Variants in CCBE1 observed in about 807,000 individuals in gnomAD.
The protein encoded by CCBE1 is collagen and calcium-binding EGF domain-containing protein 1.
Under a neutral mutation model 50.0 loss-of-function variants are expected in CCBE1, and 37 were observed. That is an observed-to-expected ratio of 0.74 (90% CI 0.57 to 0.97). The LOEUF (loss-of-function observed/expected upper bound fraction) is 0.97. CCBE1 is among the 50% of genes least tolerant of loss of function. CCBE1 has a pLI of 0.00. For synonymous variants in CCBE1, 234 were observed against 203.7 expected (o/e 1.15, Z -1.27); for missense variants, 538 against 523.8 (o/e 1.03, Z -0.26).
intron 2 of CCBE1, among the ~76,000 whole-genome samples, chr18:59,634,249 A>C (rs1363450139): frequency 6.6e-6 from 1 of 152,258 alleles, no homozygotes. Context: ...AAGCTCTGCA[A>C]GGGGAAGCAG....
At chr18:59,515,427 T>C (rs1914327494) in intron 2 of CCBE1, among the ~76,000 whole-genome samples, 1 of 152,182 alleles carries the variant, frequency 6.6e-6, no homozygotes. Flanking sequence ...CTGCAATGTG[T>C]CCATAAATGG....
chr18:59,474,925 C>A (rs552832704), intron 3 of CCBE1, among the ~76,000 whole-genome samples: 69 of 152,294 alleles, frequency 4.5e-4, no homozygotes, highest in Admixed American at 3.3e-4. Flanking sequence ...TCTCTGTTCT[C>A]CAGCTTCCAA....
At chr18:59,672,067 A>G (rs544407796) in intron 2 of CCBE1, among the ~76,000 whole-genome samples, 3 of 152,178 alleles carry the variant, frequency 2.0e-5, no homozygotes, top group Admixed American at 1.3e-4. Flanking sequence ...CATAGGTACA[A>G]TCAGAGTAGA....
At chr18:59,562,563 T>A (rs1477752496) in intron 2 of CCBE1, among the ~76,000 whole-genome samples, 1 of 152,210 alleles carries the variant, frequency 6.6e-6, no homozygotes, top group African/African-American at 2.4e-5. Context: ...ATAATAAACC[T>A]GCTTTCTACC....
intron 2 of CCBE1, among the ~76,000 whole-genome samples, chr18:59,668,906 C>A (rs903245581): frequency 6.9e-6 from 1 of 145,230 alleles, no homozygotes; most frequent in South Asian, 2.2e-4. Context: ...CTCACTGCAA[C>A]CTCCACCTCC....
chr18:59,467,177 C>T (rs1911791738), intron 4 of CCBE1, among the ~76,000 whole-genome samples: 1 of 152,200 alleles, frequency 6.6e-6, no homozygotes, highest in Non-Finnish European at 1.5e-5. Context: ...TCAGAGATCT[C>T]ACTTACAGAA....
At chr18:59,539,198 C>A (rs55997064) in intron 2 of CCBE1, among the ~76,000 whole-genome samples, 39,661 of 147,954 alleles carry the variant, frequency 0.27, 5,459 homozygotes, top group African/African-American at 0.31. Flanking sequence ...CACACACACA[C>A]ACAAAAAACA....
At chr18:59,523,215 TGTA>T (rs1914681988) in intron 2 of CCBE1, among the ~76,000 whole-genome samples, 1 of 150,856 alleles carries the variant, frequency 6.6e-6, no homozygotes, top group African/African-American at 2.4e-5. Flanking sequence ...TGAAGAGGGG[TGTA>T]TTGAGACTTG....
chr18:59,654,003 T>C (rs1188999516), intron 2 of CCBE1, among the ~76,000 whole-genome samples: 2 of 152,118 alleles, frequency 1.3e-5, no homozygotes, highest in African/African-American at 2.4e-5. Flanking sequence ...TCCTAAAATA[T>C]CACATTAGAG....
At chr18:59,588,860 G>A (rs768835960) in intron 2 of CCBE1, among the ~76,000 whole-genome samples, 1 of 152,296 alleles carries the variant, frequency 6.6e-6, no homozygotes, top group East Asian at 1.9e-4. Flanking sequence ...GCACCTCAAA[G>A]GCTCCCCTGA....
intron 2 of CCBE1, among the ~76,000 whole-genome samples, chr18:59,596,020 A>G (rs2053345661): frequency 6.6e-6 from 1 of 152,272 alleles, no homozygotes; most frequent in African/African-American, 2.4e-5. Context: ...TCCACATGGT[A>G]GTGCCTATTG....
At chr18:59,540,050 C>A (rs1198575061) in intron 2 of CCBE1, among the ~76,000 whole-genome samples, 1 of 151,956 alleles carries the variant, frequency 6.6e-6, no homozygotes, top group Admixed American at 6.6e-5. Flanking sequence ...AATCTTGGAC[C>A]CATAAAATTT....
At chr18:59,631,125 CT>C (rs1362403624) in intron 2 of CCBE1, among the ~76,000 whole-genome samples, 4 of 152,014 alleles carry the variant, frequency 2.6e-5, no homozygotes, top group African/African-American at 4.8e-5. Flanking sequence ...CAGAATACAA[CT>C]TACTTGCCCA....
intron 2 of CCBE1, among the ~76,000 whole-genome samples, chr18:59,604,088 A>G (rs2053465152): frequency 6.6e-6 from 1 of 152,200 alleles, no homozygotes; most frequent in South Asian, 2.1e-4. Context: ...CCTCTTATGC[A>G]GGCAAATAAG....
chr18:59,588,004 C>A (rs2053202541), intron 2 of CCBE1, among the ~76,000 whole-genome samples: 1 of 152,098 alleles, frequency 6.6e-6, no homozygotes, highest in African/African-American at 2.4e-5. Flanking sequence ...GAAATCGGAT[C>A]CTGATAATGA....
chr18:59,511,151 T>TTGTGCACTTGTGTTTA (rs1914115962), intron 2 of CCBE1, among the ~76,000 whole-genome samples: 1 of 152,244 alleles, frequency 6.6e-6, no homozygotes, highest in South Asian at 2.1e-4. Context: ...GCTGCTATGT[T>TTGTGCACTTGTGTTTA]TGCTGTTTGT....
At chr18:59,620,615 CG>C (rs2053699174) in intron 2 of CCBE1, among the ~76,000 whole-genome samples, 1 of 152,114 alleles carries the variant, frequency 6.6e-6, no homozygotes, top group African/African-American at 2.4e-5. Context: ...AATTGAATCA[CG>C]GGGGCAAGTC....
chr18:59,562,837 CT>C (rs1468493434), intron 2 of CCBE1, among the ~76,000 whole-genome samples: 1 of 152,180 alleles, frequency 6.6e-6, no homozygotes, highest in African/African-American at 2.4e-5. Context: ...CCACATGTGT[CT>C]CTATGTCCTC....
chr18:59,688,878 G>A (rs570263999), intron 2 of CCBE1, among the ~76,000 whole-genome samples: 15 of 152,152 alleles, frequency 9.9e-5, no homozygotes, highest in African/African-American at 1.4e-4. Flanking sequence ...GTAAGTGACC[G>A]TCCCAAGGTC....
Sources: gnomAD v4.1 joint callset for allele counts (sites outside exome capture counted in the v4.1 genomes callset) on GRCh38, gnomAD v4.1.1 for gene constraint, MANE v1.5 for transcripts, NCBI Gene and HGNC (gene_info 2026-07-23, HGNC 2026-07-21) for gene names.